Variants in SHISA9 observed in about 807,000 individuals in gnomAD.
SHISA9 encodes the protein shisa family member 9.
SHISA9 carries 13 observed loss-of-function variants against 38.0 expected under a neutral mutation model. The observed-to-expected ratio is 0.34, with a 90% CI of 0.22 to 0.54. The LOEUF (loss-of-function observed/expected upper bound fraction) is 0.54. SHISA9 is among the 20% of genes least tolerant of loss of function. SHISA9 has a pLI of 0.91. For missense variants in SHISA9, 538 were observed against 575.8 expected, an observed-to-expected ratio of 0.93 and a Z score of 0.67; for synonymous variants, 275 against 242.0, an observed-to-expected ratio of 1.14 and a Z score of -1.27.
the SHISA9 span, chr16:13,332,413 A>T: frequency 6.6e-6 from 1 of 152,222 alleles, no homozygotes; most frequent in East Asian, 1.9e-4. Flanking sequence ...AAAATATTGA[A>T]AGGGCAGGGA....
chr16:13,256,282 A>T, the SHISA9 span, among the ~76,000 whole-genome samples: 5 of 151,858 alleles, frequency 3.3e-5, no homozygotes, highest in Non-Finnish European at 7.4e-5. Context: ...ATGTGTATGT[A>T]TTTATTTATT....
chr16:13,013,405 C>T (rs1035396781), intron 2 of SHISA9, among the ~76,000 whole-genome samples: 4 of 152,110 alleles, frequency 2.6e-5, no homozygotes, highest in African/African-American at 7.2e-5. Context: ...CCGGGGGAAA[C>T]TGAACTTTCA....
At chr16:13,370,096 A>C in the SHISA9 span, among the ~76,000 whole-genome samples, 2 of 152,212 alleles carry the variant, frequency 1.3e-5, no homozygotes, top group Admixed American at 6.5e-5. Flanking sequence ...CATAGAGTTC[A>C]CTAGCTGATT....
At chr16:12,995,106 A>G (rs748486398) in intron 2 of SHISA9, among the ~76,000 whole-genome samples, 1 of 152,130 alleles carries the variant, frequency 6.6e-6, no homozygotes, top group Non-Finnish European at 1.5e-5. Context: ...TTATGGGTAC[A>G]TAGTAGGTGT....
chr16:13,141,926 A>G (rs1471373482), intron 2 of SHISA9, among the ~76,000 whole-genome samples: 1 of 152,220 alleles, frequency 6.6e-6, no homozygotes, highest in Non-Finnish European at 1.5e-5. Flanking sequence ...ATAACTGGAC[A>G]TTGAGAACAA....
chr16:13,198,527 A>T (rs1222725634), intron 2 of SHISA9, among the ~76,000 whole-genome samples: 6 of 151,708 alleles, frequency 4.0e-5, no homozygotes, highest in Non-Finnish European at 7.4e-5. Flanking sequence ...TTTTTCACTC[A>T]CCCTATTGTT....
the SHISA9 span, among the ~76,000 whole-genome samples, chr16:13,386,466 G>A: frequency 3.9e-5 from 6 of 152,242 alleles, no homozygotes; most frequent in South Asian, 6.2e-4. Flanking sequence ...CCTTGAGGGA[G>A]TAACTTAATT....
chr16:13,245,153 G>A (rs936925913), downstream of SHISA9, among the ~76,000 whole-genome samples: 2 of 152,158 alleles, frequency 1.3e-5, no homozygotes, highest in Non-Finnish European at 2.9e-5. Flanking sequence ...CTGGGCTCAA[G>A]CAATCTGCCC....
the SHISA9 span, among the ~76,000 whole-genome samples, chr16:13,528,127 C>A: frequency 3.2e-4 from 49 of 152,250 alleles, no homozygotes; most frequent in Non-Finnish European, 4.0e-4. Flanking sequence ...ATTCCTTTCC[C>A]TGTCTTAAAA....
intron 2 of SHISA9, among the ~76,000 whole-genome samples, chr16:13,066,550 A>T (rs962350363): frequency 2.0e-5 from 3 of 152,222 alleles, no homozygotes; most frequent in African/African-American, 4.8e-5. Flanking sequence ...ATATGTATTG[A>T]ATGAACTGAT....
intron 2 of SHISA9, among the ~76,000 whole-genome samples, chr16:13,075,802 G>A (rs1296675697): frequency 6.6e-6 from 1 of 152,152 alleles, no homozygotes; most frequent in African/African-American, 2.4e-5. Context: ...GACAGAAGCA[G>A]GATGTGTCTA....
rs186330912 is a variant in SHISA9, at chr16:12,951,813, G to A, written c.691+34998G>A. ...GGAAGAAGCTTTGTTAGGGGTTGCGGTGGAGCAGGGAACTTCACTTCAGGG... is the reference window on the plus strand; with the variant it reads ...GGAAGAAGCTTTGTTAGGGGTTGCGATGGAGCAGGGAACTTCACTTCAGGG... On this transcript the variant is annotated intron_variant, in intron 2 of 4. Coordinates refer to ENST00000558583, the MANE Select transcript of SHISA9 (RefSeq NM_001145204.3). 4.4e-3 allele frequency among the ~76,000 whole-genome samples: 669 copies of A among 152,336 alleles called. 21 individuals are homozygous for A. Among genetic ancestry groups the A allele is most frequent in the East Asian group, 1.3e-3 (7 of 5,186 alleles).
the SHISA9 span, among the ~76,000 whole-genome samples, chr16:13,439,960 G>A: frequency 6.6e-6 from 1 of 152,322 alleles, no homozygotes; most frequent in South Asian, 2.1e-4. Flanking sequence ...CTGGGCCTGT[G>A]ATTAGATAAA....
At position 12,902,049 on chromosome 16, in the gene SHISA9, C is replaced by A; in HGVS notation, c.-16C>A. The A allele has an allele frequency of 6.9e-7, 1 of 1,455,092 alleles. No individual in the cohort carries two copies. The highest frequency in any genetic ancestry group is 9.0e-7 in the Non-Finnish European group (1 of 1,110,780). The allele number at this position is 1,455,092 out of a possible 1,614,324, so 90.1% of individuals were successfully genotyped here. A position where few individuals can be genotyped will look rare whatever the true frequency, so the allele number is the denominator to read the frequency against. On this transcript the variant is annotated 5_prime_UTR_variant, in exon 1 of 5. Coordinates refer to ENST00000558583, the MANE Select transcript of SHISA9 (RefSeq NM_001145204.3). The stretch of plus-strand genomic sequence containing the variant: ...CCAGCGGCGGCCGAGCGGCCGAGCC[C>A]GGGCTGGGAGACACCATGCGCCGCG...
chr16:13,431,356 A>G, the SHISA9 span, among the ~76,000 whole-genome samples: 60,704 of 152,034 alleles, frequency 0.4, 12,315 homozygotes, highest in Non-Finnish European at 0.41. Flanking sequence ...CTGATGGCCA[A>G]AAGCAATTTC....
chr16:13,553,193 T>TTA, the SHISA9 span, among the ~76,000 whole-genome samples: 2 of 152,194 alleles, frequency 1.3e-5, no homozygotes, highest in Non-Finnish European at 2.9e-5. Flanking sequence ...TTAGTTCACT[T>TTA]GCTCTTCCCA....
intron 2 of SHISA9, among the ~76,000 whole-genome samples, chr16:13,047,638 T>C (rs2073202797): frequency 6.6e-6 from 1 of 151,986 alleles, no homozygotes; most frequent in Non-Finnish European, 1.5e-5. Flanking sequence ...ATACAGAAAA[T>C]TCCCAATAAG....
chr16:12,990,681 T>G (rs1452721349), intron 2 of SHISA9, among the ~76,000 whole-genome samples: 1 of 152,168 alleles, frequency 6.6e-6, no homozygotes, highest in East Asian at 1.9e-4. Flanking sequence ...GGTGGTGCTA[T>G]TGGCATCTAG....
chr16:12,994,393 T>G (rs780552065), intron 2 of SHISA9, among the ~76,000 whole-genome samples: 9 of 152,242 alleles, frequency 5.9e-5, no homozygotes, highest in Non-Finnish European at 1.0e-4. Context: ...CCACTGATGC[T>G]GGGCTTAGCC....
Sources: gnomAD v4.1 joint callset for allele counts (sites outside exome capture counted in the v4.1 genomes callset) on GRCh38, gnomAD v4.1.1 for gene constraint, MANE v1.5 for transcripts, NCBI Gene and HGNC (gene_info 2026-07-23, HGNC 2026-07-21) for gene names.